MAN1A1: variants seen among roughly 807,000 people sequenced by gnomAD.
The protein encoded by MAN1A1 is mannosyl-oligosaccharide 1,2-alpha-mannosidase IA.
In MAN1A1, 29 loss-of-function variants were observed where a neutral mutation model predicts 70.8. That is an observed-to-expected ratio of 0.41 (90% CI 0.31 to 0.56). The LOEUF is 0.56. Among genes scored for constraint, MAN1A1 ranks in the 20% least tolerant of loss-of-function variants. The probability of loss-of-function intolerance (pLI) is 0.29; values close to 1 mark genes in which losing one functional copy is unlikely to be tolerated. For missense variants in MAN1A1, 747 were observed against 841.3 expected (o/e 0.89, Z 1.39); for synonymous variants, 349 against 330.1 (o/e 1.06, Z -0.62).
At chr6:119,308,921 T>C (rs1005947388) in intron 2 of MAN1A1, among the ~76,000 whole-genome samples, 20 of 152,342 alleles carry the variant, frequency 1.3e-4, no homozygotes, top group African/African-American at 4.8e-4. Flanking sequence ...AATGTACCAC[T>C]AGTAAAGGAT....
At chr6:119,236,569 G>A (rs957302770) in intron 6 of MAN1A1, among the ~76,000 whole-genome samples, 16 of 151,996 alleles carry the variant, frequency 1.1e-4, no homozygotes, top group East Asian at 1.9e-4. Flanking sequence ...TTAGCTAGGC[G>A]GGGTGGTGGG....
At chr6:119,284,478 T>C (rs1776307426) in intron 5 of MAN1A1, among the ~76,000 whole-genome samples, 1 of 152,212 alleles carries the variant, frequency 6.6e-6, no homozygotes, top group South Asian at 2.1e-4. Flanking sequence ...AAGGACGCTG[T>C]TGAGAAGGGG....
Position 119,319,383 on chromosome 6 carries a change from T to TC in MAN1A1, c.604-12392_604-12391insG, listed in dbSNP as rs757086044. Reference sequence around the variant, plus strand: ...AAAATAATAATAATAATAATAATAATAATAATAATCATCATCATCATCATT... The same window carrying TC: ...AAAATAATAATAATAATAATAATAATCAATAATAATCATCATCATCATCATT... On this transcript the variant is annotated intron_variant, in intron 2 of 12. Transcript: ENST00000368468. 9.0e-3 allele frequency among the ~76,000 whole-genome samples: 1,344 copies of TC among 149,534 alleles called. 17 individuals are homozygous for TC. The highest frequency in any genetic ancestry group is 0.026 in the African/African-American group (1,073 of 40,782).
chr6:119,283,531 C>A (rs974682195), intron 5 of MAN1A1, among the ~76,000 whole-genome samples: 4 of 151,410 alleles, frequency 2.6e-5, no homozygotes, highest in Non-Finnish European at 2.9e-5. Context: ...ATATCGTATG[C>A]AGAGAATGCA....
intron 3 of MAN1A1, among the ~76,000 whole-genome samples, chr6:119,303,506 T>C (rs1772450052): frequency 6.6e-6 from 1 of 152,202 alleles, no homozygotes; most frequent in Admixed American, 6.5e-5. Flanking sequence ...ACCTTTTTCC[T>C]TAGTCTTAAA....
chr6:119,215,855 A>G (rs531489576), intron 6 of MAN1A1, among the ~76,000 whole-genome samples: 1 of 152,332 alleles, frequency 6.6e-6, no homozygotes, highest in Non-Finnish European at 1.5e-5. Context: ...TGACGTGCAA[A>G]ATAGAAAATA....
chr6:119,290,181 C>T (rs1776495476), intron 5 of MAN1A1, among the ~76,000 whole-genome samples: 1 of 151,930 alleles, frequency 6.6e-6, no homozygotes, highest in South Asian at 2.1e-4. Flanking sequence ...GGAAGAGCTC[C>T]AAAGCACTTG....
intron 6 of MAN1A1, among the ~76,000 whole-genome samples, chr6:119,234,170 T>C (rs990466066): frequency 7.2e-5 from 11 of 152,156 alleles, no homozygotes; most frequent in African/African-American, 1.2e-4. Flanking sequence ...AATTTAACAA[T>C]AGAACAAATC....
intron 5 of MAN1A1, among the ~76,000 whole-genome samples, chr6:119,283,568 G>T (rs147618329): frequency 1.3e-5 from 2 of 152,078 alleles, no homozygotes; most frequent in African/African-American, 2.4e-5. Flanking sequence ...TGGGGAGGGG[G>T]TGTCTTAGTG....
intron 6 of MAN1A1, among the ~76,000 whole-genome samples, chr6:119,230,558 T>C (rs1299988519): frequency 6.6e-6 from 1 of 152,192 alleles, no homozygotes; most frequent in East Asian, 1.9e-4. Flanking sequence ...CATCTACACA[T>C]CCCCTTGATC....
chr6:119,243,683 A>G (rs1325369106), intron 6 of MAN1A1, among the ~76,000 whole-genome samples: 1 of 152,162 alleles, frequency 6.6e-6, no homozygotes, highest in Non-Finnish European at 1.5e-5. Flanking sequence ...GTCAAAGTAG[A>G]GCAACCTGCA....
chr6:119,304,427 AT>A (rs1260479908), intron 3 of MAN1A1, among the ~76,000 whole-genome samples: 1 of 152,088 alleles, frequency 6.6e-6, no homozygotes, highest in East Asian at 1.9e-4. Flanking sequence ...TAATATTTGT[AT>A]TTCTTGTATT....
chr6:119,267,736 A>G (rs1021615269), intron 5 of MAN1A1, among the ~76,000 whole-genome samples: 1 of 152,206 alleles, frequency 6.6e-6, no homozygotes, highest in Non-Finnish European at 1.5e-5. Flanking sequence ...TTACTATCTT[A>G]TATGGTTTTA....
intron 6 of MAN1A1, among the ~76,000 whole-genome samples, chr6:119,233,751 TAG>T (rs993933184): frequency 2.6e-5 from 4 of 152,204 alleles, no homozygotes; most frequent in Non-Finnish European, 5.9e-5. Flanking sequence ...CAAGAGATGC[TAG>T]AGATTCTTGC....
intron 2 of MAN1A1, among the ~76,000 whole-genome samples, chr6:119,322,053 C>T (rs1348259084): frequency 6.6e-6 from 1 of 152,176 alleles, no homozygotes; most frequent in East Asian, 1.9e-4. Context: ...AGCAAATTCC[C>T]TAAGAGATTC....
At chr6:119,238,647 AACTTG>A (rs1344477204) in intron 6 of MAN1A1, among the ~76,000 whole-genome samples, 1 of 152,216 alleles carries the variant, frequency 6.6e-6, no homozygotes, top group Non-Finnish European at 1.5e-5. Flanking sequence ...TTATCTTAAG[AACTTG>A]ACTTAATTGG....
intron 11 of MAN1A1, among the ~76,000 whole-genome samples, chr6:119,185,458 C>T (rs1005616157): frequency 2.6e-5 from 4 of 152,156 alleles, no homozygotes; most frequent in African/African-American, 9.7e-5. Context: ...GATAGGAAGA[C>T]GGCTTACAAA....
rs1772273594 is a variant in MAN1A1 at position 119,298,164 on chromosome 6, T to G, written c.816+3824A>C. 2.6e-5 allele frequency among the ~76,000 whole-genome samples: 4 copies of G among 152,176 alleles called. No homozygotes were observed. In the South Asian group the frequency reaches 8.3e-4, roughly 32 times the overall value. On this transcript the variant is annotated intron_variant, in intron 4 of 12. Coordinates refer to ENST00000368468, the MANE Select transcript of MAN1A1 (RefSeq NM_005907.4). ...TCCTAAGATTACTTTGAGTTAAAATTAGAAAATGCATTCATGGAGTCAATA... is the reference window on the plus strand; with the variant it reads ...TCCTAAGATTACTTTGAGTTAAAATGAGAAAATGCATTCATGGAGTCAATA...
At chr6:119,181,571 G>A (rs746409628) in intron 11 of MAN1A1, among the ~76,000 whole-genome samples, 1 of 151,840 alleles carries the variant, frequency 6.6e-6, no homozygotes, top group South Asian at 2.1e-4. Flanking sequence ...TTGGAAAACA[G>A]ATGGGTTGGG....
Sources: gnomAD v4.1 joint callset for allele counts (sites outside exome capture counted in the v4.1 genomes callset) on GRCh38, gnomAD v4.1.1 for gene constraint, MANE v1.5 for transcripts, NCBI Gene and HGNC (gene_info 2026-07-23, HGNC 2026-07-21) for gene names.